AFF3: variants seen among roughly 807,000 people sequenced by gnomAD.
The protein encoded by AFF3 is AF4/FMR2 family member 3.
In AFF3, 32 loss-of-function variants were observed where a neutral mutation model predicts 129.7. The ratio of observed to expected loss-of-function variants is 0.25; its 90% CI spans 0.19 to 0.33. The LOEUF (loss-of-function observed/expected upper bound fraction) is 0.33, where lower values mean the gene tolerates loss of function less well. Among genes scored for constraint, AFF3 ranks in the 10% least tolerant of loss-of-function variants. The pLI is 1.00. For synonymous variants in AFF3, 644 were observed against 635.4 expected, an observed-to-expected ratio of 1.01 and a Z score of -0.20; for missense variants, 1,373 against 1,592.0, an observed-to-expected ratio of 0.86 and a Z score of 2.34.
At chr2:99,591,441 C>A (rs1172780734) in intron 15 of AFF3, among the ~76,000 whole-genome samples, 3 of 152,170 alleles carry the variant, frequency 2.0e-5, no homozygotes, top group Non-Finnish European at 4.4e-5. Context: ...CCCATCTCAG[C>A]CTCCCAAAGT....
intron 12 of AFF3, 81 bp downstream of exon 12, chr2:99,672,457 T>G (rs1687249647): frequency 7.3e-7 from 1 of 1,370,778 alleles, no homozygotes; most frequent in East Asian, 2.3e-5. Context: ...CCATTCAGCT[T>G]GGTTAACACC....
chr2:100,041,917 A>G (rs1478071315), intron 4 of AFF3, among the ~76,000 whole-genome samples: 3 of 152,138 alleles, frequency 2.0e-5, no homozygotes, highest in African/African-American at 7.2e-5. Flanking sequence ...TATTGAATAA[A>G]CCTGCAGCAT....
chr2:99,897,632 T>C (rs1238125980), intron 7 of AFF3, among the ~76,000 whole-genome samples: 2 of 152,198 alleles, frequency 1.3e-5, no homozygotes, highest in Non-Finnish European at 2.9e-5. Context: ...AGGATTTTAG[T>C]GCCCGGTTCT....
intron 7 of AFF3, among the ~76,000 whole-genome samples, chr2:99,993,618 A>G (rs1235787402): frequency 1.3e-5 from 2 of 151,894 alleles, no homozygotes; most frequent in African/African-American, 2.4e-5. Flanking sequence ...ACACTTCAAA[A>G]TACAAGAAAG....
chr2:99,981,803 A>G (rs1041325418), intron 7 of AFF3, among the ~76,000 whole-genome samples: 3 of 152,360 alleles, frequency 2.0e-5, no homozygotes, highest in Middle Eastern at 3.4e-3. Flanking sequence ...ATTTGAGATC[A>G]TGTTTTTAAA....
chr2:99,998,603 G>T (rs1306223409), intron 7 of AFF3, among the ~76,000 whole-genome samples: 1 of 152,182 alleles, frequency 6.6e-6, no homozygotes, highest in East Asian at 1.9e-4. Context: ...CACATAAGGG[G>T]TCAACCGTTT....
Position 99,632,140 on chromosome 2 carries a change from C to T in AFF3, c.1184+17486G>A, listed in dbSNP as rs190113161. 2.4e-3 allele frequency among the ~76,000 whole-genome samples: 366 copies of T among 151,478 alleles called. 2 individuals carry two copies. Among genetic ancestry groups the T allele is most frequent in the Middle Eastern group, 6.8e-3 (2 of 294 alleles). ...AAGCAATTCTCCCGCCTTAGCCTCCCGAGTAGCTGGGATTACAGGCACCCA... is the reference window on the plus strand; with the variant it reads ...AAGCAATTCTCCCGCCTTAGCCTCCTGAGTAGCTGGGATTACAGGCACCCA... On this transcript the variant is annotated intron_variant, in intron 13 of 24. Coordinates refer to ENST00000672756, the MANE Select transcript of AFF3 (RefSeq NM_001386135.1).
intron 7 of AFF3, among the ~76,000 whole-genome samples, chr2:99,852,123 T>C (rs1165795208): frequency 6.6e-6 from 1 of 152,086 alleles, no homozygotes; most frequent in Non-Finnish European, 1.5e-5. Context: ...GAAAAAAATA[T>C]AAGAATCTTA....
chr2:99,655,559 T>A (rs374502065), intron 12 of AFF3, among the ~76,000 whole-genome samples: 1 of 151,830 alleles, frequency 6.6e-6, no homozygotes, highest in East Asian at 1.9e-4. Flanking sequence ...CGGCAAGTGG[T>A]AGGGACAGCA....
At chr2:99,725,063 C>T (rs1225070990) in intron 11 of AFF3, among the ~76,000 whole-genome samples, 6 of 152,140 alleles carry the variant, frequency 3.9e-5, no homozygotes, top group African/African-American at 7.2e-5. Flanking sequence ...CTCCGCCTCC[C>T]GGGTTCAAGT....
At chr2:99,818,103 T>A (rs1460357897) in intron 8 of AFF3, among the ~76,000 whole-genome samples, 1 of 152,142 alleles carries the variant, frequency 6.6e-6, no homozygotes, top group Non-Finnish European at 1.5e-5. Context: ...AAATTCCAAA[T>A]TTCAAAATCC....
intron 24 of AFF3, among the ~76,000 whole-genome samples, chr2:99,551,863 C>T (rs1046102686): frequency 2.0e-5 from 3 of 152,148 alleles, no homozygotes; most frequent in Non-Finnish European, 4.4e-5. Flanking sequence ...AAATCCATAT[C>T]CTCCAGCTGC....
At chr2:99,984,264 C>G (rs1225969000) in intron 7 of AFF3, among the ~76,000 whole-genome samples, 2 of 152,146 alleles carry the variant, frequency 1.3e-5, no homozygotes, top group African/African-American at 4.8e-5. Context: ...TCAATTGCTT[C>G]CAGTGAAACA....
Position 99,610,464 on chromosome 2 carries a change from G to A in AFF3, c.1185-8843C>T, listed in dbSNP as rs528093634. ...TTTTGAGATGGGCCTTTTTTCAGTC[G>A]ACACAATGTCATGAGAGCCATCCAT... is the stretch of plus-strand genomic sequence containing the variant. On this transcript the variant is annotated intron_variant, in intron 13 of 24. Transcript: ENST00000672756. 4.6e-5 allele frequency among the ~76,000 whole-genome samples: 7 copies of A among 152,024 alleles called. No homozygotes were observed. In the South Asian group the frequency reaches 1.3e-3, roughly 27 times the overall value.
chr2:99,574,795 C>T (rs976422726), intron 18 of AFF3, among the ~76,000 whole-genome samples: 3 of 152,194 alleles, frequency 2.0e-5, no homozygotes, highest in Admixed American at 6.5e-5. Context: ...TCCATCAACT[C>T]GAAATCACTC....
chr2:99,679,440 C>T (rs1025668039), intron 11 of AFF3, among the ~76,000 whole-genome samples: 1 of 152,118 alleles, frequency 6.6e-6, no homozygotes, highest in African/African-American at 2.4e-5. Flanking sequence ...CCCATCTTCC[C>T]TGGGGGACGG....
chr2:99,629,573 T>C (rs1682938902), intron 13 of AFF3, among the ~76,000 whole-genome samples: 1 of 152,210 alleles, frequency 6.6e-6, no homozygotes, highest in Non-Finnish European at 1.5e-5. Context: ...GCAGCTTTCC[T>C]TTTTTAGAAC....
At chr2:99,931,800 T>C (rs542936154) in intron 7 of AFF3, among the ~76,000 whole-genome samples, 1 of 152,216 alleles carries the variant, frequency 6.6e-6, no homozygotes, top group South Asian at 2.1e-4. Context: ...TCCCAGCTAC[T>C]AAAGAGGCTG....
intron 9 of AFF3, among the ~76,000 whole-genome samples, chr2:99,747,190 T>G (rs1681239447): frequency 6.6e-6 from 1 of 151,880 alleles, no homozygotes; most frequent in Non-Finnish European, 1.5e-5. Context: ...CACCAGGCCC[T>G]GCTAACTTTT....
Sources: gnomAD v4.1 joint callset for allele counts (sites outside exome capture counted in the v4.1 genomes callset) on GRCh38, gnomAD v4.1.1 for gene constraint, MANE v1.5 for transcripts, NCBI Gene and HGNC (gene_info 2026-07-23, HGNC 2026-07-21) for gene names.